The following CDH17 variants were observed in gnomAD, a reference collection of about 807,000 sequenced individuals.
CDH17 encodes the protein cadherin-17.
A neutral mutation model predicts 86.3 loss-of-function variants in CDH17; 67 were observed. That is an observed-to-expected ratio of 0.78 (90% CI 0.64 to 0.95). CDH17 has a LOEUF of 0.95. Ranked by LOEUF, CDH17 falls within the 40% of genes least tolerant of loss-of-function variation. CDH17 has a pLI of 0.00. For missense variants in CDH17, 993 were observed against 1,017.6 expected (o/e 0.98, Z 0.33); for synonymous variants, 367 against 366.4 (o/e 1.00, Z -0.02).
At chr8:94,212,945 A>C, upstream of CDH17, among the ~76,000 whole-genome samples, 1 of 152,150 alleles carries the variant, frequency 6.6e-6, no homozygotes, top group Non-Finnish European at 1.5e-5. Context: ...TTCCAAACTG[A>C]AGTTCACTAA....
chr8:94,148,009 T>C (rs1173853282), intron 14 of CDH17, among the ~76,000 whole-genome samples: 1 of 152,226 alleles, frequency 6.6e-6, no homozygotes, highest in African/African-American at 2.4e-5. Context: ...AAACATTTTC[T>C]GCTTCAAAAA....
intron 9 of CDH17, among the ~76,000 whole-genome samples, chr8:94,167,344 G>C (rs1257379341): frequency 6.6e-6 from 1 of 152,112 alleles, no homozygotes; most frequent in Non-Finnish European, 1.5e-5. Flanking sequence ...TCCCACGTAG[G>C]AGCTCAAACT....
intron 4 of CDH17, among the ~76,000 whole-genome samples, 171 bp downstream of exon 4, chr8:94,177,416 C>A (rs1197082658): frequency 6.6e-6 from 1 of 152,176 alleles, no homozygotes; most frequent in Non-Finnish European, 1.5e-5. Context: ...GTTTGCCACA[C>A]CCCTCTGTAG....
chr8:94,161,656 C>G (rs1484113564), intron 11 of CDH17, among the ~76,000 whole-genome samples: 1 of 152,136 alleles, frequency 6.6e-6, no homozygotes, highest in East Asian at 1.9e-4. Context: ...CTCCCTTTCT[C>G]TTACCCAATT....
chr8:94,165,703 A>G, intron 10 of CDH17, 58 bp downstream of exon 10: 1 of 1,147,570 alleles, frequency 8.7e-7, no homozygotes, highest in Non-Finnish European at 1.3e-6. Flanking sequence ...CAGGAAAATA[A>G]CTCATAGCTA....
Position 94,148,728 on chromosome 8 carries a change from T to C in CDH17, c.1927+16A>G. ...CTGTGTTCCTTTTTTTTTGTTTTTT[T>C]TTTTTTTTTGCTTACCTACTTCTGT... On this transcript the variant is annotated intron_variant, in intron 14 of 17. Transcript: ENST00000027335. 1.4e-6 allele frequency: 2 copies of C among 1,430,400 alleles called. No individual in the cohort carries two copies. Among genetic ancestry groups the C allele is most frequent in the Non-Finnish European group, 9.1e-7 (1 of 1,099,576 alleles). The allele number at this position is 1,430,400 out of a possible 1,614,324, so 88.6% of individuals were successfully genotyped here. A position where few individuals can be genotyped will look rare whatever the true frequency, so the allele number is the denominator to read the frequency against.
At chr8:94,152,854 A>G (rs1369198621) in intron 12 of CDH17, among the ~76,000 whole-genome samples, 1 of 148,066 alleles carries the variant, frequency 6.8e-6, no homozygotes, top group African/African-American at 2.5e-5. Context: ...TTTAGTAGAG[A>G]AGGGGGTTTT....
rs890672220 is a variant in CDH17 at position 94,156,064 on chromosome 8, G to A, written c.1551+3907C>T. Among the ~76,000 whole-genome samples the A allele has an allele frequency of 2.6e-5, 4 of 152,268 alleles. No homozygotes were observed. The South Asian group carries it at 6.2e-4, about 24-fold the overall frequency. On this transcript the variant is annotated intron_variant, in intron 12 of 17. Coordinates refer to ENST00000027335, the MANE Select transcript of CDH17 (RefSeq NM_004063.4). ...ACTGTGAGGCCAAGTCAAGAGACCCGTCACTGCCTCTTGGAATGGCCTCAG... is the reference window on the plus strand; with the variant it reads ...ACTGTGAGGCCAAGTCAAGAGACCCATCACTGCCTCTTGGAATGGCCTCAG...
intron 1 of CDH17, among the ~76,000 whole-genome samples, chr8:94,204,039 C>A (rs1813975112): frequency 6.6e-6 from 1 of 152,028 alleles, no homozygotes; most frequent in African/African-American, 2.4e-5. Flanking sequence ...TAAATGGTCC[C>A]CTGGAGAACT....
intron 9 of CDH17, among the ~76,000 whole-genome samples, 194 bp downstream of exon 9, chr8:94,170,203 C>T (rs1221499494): frequency 6.6e-6 from 1 of 152,098 alleles, no homozygotes; most frequent in Non-Finnish European, 1.5e-5. Flanking sequence ...ATAAAAGCCC[C>T]AATTTAAGAA....
rs371300823 is a variant in CDH17, at chr8:94,170,418, C to A, written c.1045G>T (p.Val349Phe). ...TTACCCAGTCGTTCATTCTCCTGGACCTCAAATACGGTTACTGGTGACGGA... is the reference window on the plus strand; with the variant it reads ...TTACCCAGTCGTTCATTCTCCTGGAACTCAAATACGGTTACTGGTGACGGA... ...TCPSPVTVFE[V>F]QENERLGNSI... The change falls in exon 9 of 18, where the codon GTC (valine) becomes TTC (phenylalanine). Residue 349 changes from valine to phenylalanine, a missense_variant. Physicochemically the swap from Val to Phe is conservative, Grantham distance 50 (BLOSUM62 -1). Transcript: ENST00000027335. 2.0e-5 allele frequency: 33 copies of A among 1,613,644 alleles called. No homozygotes were observed. The highest frequency in any genetic ancestry group is 2.8e-5 in the Non-Finnish European group (33 of 1,179,820).
intron 1 of CDH17, among the ~76,000 whole-genome samples, chr8:94,201,142 C>G (rs1813904333): frequency 6.6e-6 from 1 of 152,106 alleles, no homozygotes; most frequent in Non-Finnish European, 1.5e-5. Context: ...CAGATGCTGA[C>G]ATGACCTGCC....
At chr8:94,159,497 C>T (rs1038478374) in intron 12 of CDH17, among the ~76,000 whole-genome samples, 10 of 152,106 alleles carry the variant, frequency 6.6e-5, no homozygotes, top group African/African-American at 2.4e-4. Flanking sequence ...GGTCATCCAA[C>T]CCAACTCCTC....
chr8:94,131,114 C>A (rs1235169915), intron 15 of CDH17, 122 bp from the exon 16 acceptor site: 1 of 650,962 alleles, frequency 1.5e-6, no homozygotes, highest in Non-Finnish European at 2.8e-6. Flanking sequence ...GTTAAACTGC[C>A]CAAAGTATCA....
At chr8:94,202,887 A>G in intron 1 of CDH17, 1 of 266,898 alleles carries the variant, frequency 3.7e-6, no homozygotes, top group Non-Finnish European at 7.2e-6. Context: ...TACATAGCAG[A>G]TCAGGAATAT....
intron 12 of CDH17, 122 bp from the exon 13 acceptor site, chr8:94,152,234 C>A: frequency 1.0e-6 from 1 of 994,186 alleles, no homozygotes; most frequent in Admixed American, 2.6e-5. Context: ...TGGATATCCA[C>A]ATGTGGGAGA....
intron 7 of CDH17, among the ~76,000 whole-genome samples, chr8:94,172,211 A>C (rs1445371068): frequency 1.3e-5 from 2 of 151,960 alleles, no homozygotes; most frequent in Non-Finnish European, 2.9e-5. Flanking sequence ...CCTGAATAAT[A>C]GCTATGAAGA....
In CDH17 at chr8:94,194,613, G is replaced by C. The variant is rs774753806; in HGVS notation, c.51+22C>G. ...GAAAATATTCTAGTAAACAAATAGA[G>C]AAGAACACCCTCTTCTCTTACCAAA... On this transcript the variant is annotated intron_variant, in intron 2 of 17. Transcript: ENST00000027335. 5 of 1,533,076 alleles carry C rather than the reference G, an allele frequency of 3.3e-6. No homozygotes were observed. In the South Asian group the frequency reaches 5.7e-5, roughly 17 times the overall value. 95.0% of individuals were successfully genotyped at this position (1,533,076 alleles called of 1,614,324 possible). A position where few individuals can be genotyped will look rare whatever the true frequency, so the allele number is the denominator to read the frequency against.
In CDH17 at chr8:94,130,938, A is replaced by T. The variant is rs1812401949; in HGVS notation, c.2222T>A (p.Val741Asp). The change falls in exon 16 of 18, where the codon GTC becomes GAC. Residue 741 changes from valine to aspartate, a missense_variant. By Grantham distance (152) the Val-to-Asp change is radical. Transcript: ENST00000027335. ...CCCATCATTGATGCGGATCAAGACG[A>T]CATACTCCCTCTCCTCAAACTCTGT... ...RHTEFEEREYVVLIRINDGGR... is the reference protein window; with the variant it reads ...RHTEFEEREYDVLIRINDGGR... 6.2e-7 allele frequency: 1 copy of T among 1,612,044 alleles called. No individual in the cohort carries two copies. The highest frequency in any genetic ancestry group is 8.5e-7 in the Non-Finnish European group (1 of 1,178,102).
Sources: gnomAD v4.1 joint callset for allele counts (sites outside exome capture counted in the v4.1 genomes callset) on GRCh38, gnomAD v4.1.1 for gene constraint, MANE v1.5 for transcripts, NCBI Gene and HGNC (gene_info 2026-07-23, HGNC 2026-07-21) for gene names.